Variants in RTN4 observed in about 807,000 individuals in gnomAD.
RTN4 encodes the protein reticulon 4.
In RTN4, 32 loss-of-function variants were observed where a neutral mutation model predicts 90.4. That is an observed-to-expected ratio of 0.35 (90% CI 0.27 to 0.48). The LOEUF is 0.48. RTN4 is among the 20% of genes least tolerant of loss of function. The pLI is 0.99. For missense variants in RTN4, 1,706 were observed against 1,430.2 expected (o/e 1.19, Z -3.11); for synonymous variants, 629 against 552.5 (o/e 1.14, Z -1.94).
chr2:55,132,201 ATG>A, the RTN4 span, among the ~76,000 whole-genome samples: 50 of 152,288 alleles, frequency 3.3e-4, no homozygotes, highest in Non-Finnish European at 5.9e-4. Flanking sequence ...CTCCACTTTT[ATG>A]TGTGTTTGAA....
At position 55,026,260 on chromosome 2, in the gene RTN4, G is replaced by T; in HGVS notation, c.1839C>A (p.Asp613Glu). 1 of 1,613,894 alleles carries T rather than the reference G, an allele frequency of 6.2e-7. No homozygotes were observed. The highest frequency in any genetic ancestry group is 1.1e-5 in the South Asian group (1 of 91,074). The change falls in exon 3 of 9, where the codon GAC becomes GAA. Residue 613 changes from aspartate to glutamate, a missense_variant. Asp to Glu is a conservative substitution (Grantham distance 45). Transcript: ENST00000337526. ...AATTCAATGGTGCTTCCATAACAAT[G>T]TCAGGCAAAACTGGTGAAGGAGTAG... ...SEATPSPVLP[D>E]IVMEAPLNSA...
intron 5 of RTN4, among the ~76,000 whole-genome samples, chr2:54,979,504 T>C (rs1237890882): frequency 6.6e-6 from 1 of 152,238 alleles, no homozygotes; most frequent in East Asian, 1.9e-4. Context: ...AGCTTCCTTT[T>C]TTCAATAAAA....
chr2:55,108,813 A>T (rs1667988349), intron 1 of RTN4, among the ~76,000 whole-genome samples: 1 of 152,114 alleles, frequency 6.6e-6, no homozygotes, highest in African/African-American at 2.4e-5. Context: ...TCATAGGCCA[A>T]TTTCTATGAC....
chr2:55,095,972 T>C (rs1669025153), intron 1 of RTN4, among the ~76,000 whole-genome samples: 1 of 152,122 alleles, frequency 6.6e-6, no homozygotes, highest in Non-Finnish European at 1.5e-5. Flanking sequence ...AATGGGACAG[T>C]GGTTATGGGT....
Position 55,026,796 on chromosome 2 carries a change from C to T in RTN4, c.1303G>A (p.Glu435Lys), listed in dbSNP as rs765495887. 9.9e-6 allele frequency: 16 copies of T among 1,613,836 alleles called. No homozygotes were observed. The highest frequency in any genetic ancestry group is 1.2e-5 in the Non-Finnish European group (14 of 1,179,830). Residue 435 changes from glutamate to lysine, a missense_variant, in exon 3 of 9, where the codon GAA (glutamate) becomes AAA (lysine). Glu to Lys is a moderately conservative substitution (Grantham distance 56). Transcript: ENST00000337526. ...TCATTACTACTCTCACTATCTTTTT[C>T]GTGATTAGTTTGCTCAAGGCTATCT... ...FADSLEQTNH[E>K]KDSESSNDDT...
At chr2:55,088,004 T>C (rs1023320635) in intron 1 of RTN4, among the ~76,000 whole-genome samples, 1 of 152,266 alleles carries the variant, frequency 6.6e-6, no homozygotes, top group Non-Finnish European at 1.5e-5. Flanking sequence ...GCTGTGGTTG[T>C]GGAACCTTAG....
chr2:54,988,365 A>G (rs1678741707), intron 3 of RTN4, among the ~76,000 whole-genome samples: 2 of 152,204 alleles, frequency 1.3e-5, no homozygotes. Context: ...CATGCTATAT[A>G]TTCAAATAAT....
intron 3 of RTN4, chr2:55,010,219 C>A (rs201484463): frequency 6.3e-7 from 1 of 1,589,220 alleles, no homozygotes; most frequent in South Asian, 1.1e-5. Flanking sequence ...ATGAAATACC[C>A]GTTTCCTCAA....
intron 1 of RTN4, 46 bp downstream of exon 1, chr2:55,049,699 G>T: frequency 7.0e-7 from 1 of 1,430,812 alleles, no homozygotes; most frequent in East Asian, 2.8e-5. Flanking sequence ...CACAAAAGAG[G>T]GAGGGGCGCG....
rs549486949 is a variant in RTN4, at chr2:54,994,333, A to G, written c.3014-6635T>C. On this transcript the variant is annotated intron_variant, in intron 3 of 8. Coordinates refer to ENST00000337526, the MANE Select transcript of RTN4 (RefSeq NM_020532.5). ...AATATAGATGCAATAATCCCCAACAAAATACAAGCAAACTGGATCGAGCAA... is the reference window on the plus strand; with the variant it reads ...AATATAGATGCAATAATCCCCAACAGAATACAAGCAAACTGGATCGAGCAA... Among the ~76,000 whole-genome samples the G allele has an allele frequency of 5.9e-5, 9 of 152,346 alleles. No individual in the cohort carries two copies. In the South Asian group the frequency reaches 1.9e-3, roughly 32 times the overall value.
rs1263556095 is a variant in RTN4, at chr2:55,026,279, G to C, written c.1820C>G (p.Pro607Arg). Reference protein sequence around the residue: ...CPSFEESEATPSPVLPDIVME... With the variant: ...CPSFEESEATRSPVLPDIVME... ...AACAATGTCAGGCAAAACTGGTGAA[G>C]GAGTAGCTTCTGACTCTTCAAATGA... Residue 607 changes from proline (P) to arginine (R), a missense_variant, in exon 3 of 9, where the codon CCT (proline) becomes CGT (arginine). Physicochemically the swap from Pro to Arg is moderately radical, Grantham distance 103. Transcript: ENST00000337526. 6.2e-7 allele frequency: 1 copy of C among 1,613,828 alleles called. No homozygotes were observed. The highest frequency in any genetic ancestry group is 8.5e-7 in the Non-Finnish European group (1 of 1,179,922).
chr2:54,991,287 T>G lies in RTN4; in HGVS notation c.3014-3589A>C, dbSNP rs1487043219. On this transcript the variant is annotated intron_variant, in intron 3 of 8. Coordinates refer to ENST00000337526, the MANE Select transcript of RTN4 (RefSeq NM_020532.5). ...GACTTTAGATTTGAGAGGTTTGCACTGTACAACATAAATTAATGTCTAATC... is the reference window on the plus strand; with the variant it reads ...GACTTTAGATTTGAGAGGTTTGCACGGTACAACATAAATTAATGTCTAATC... Among the ~76,000 whole-genome samples, 3 of 152,348 alleles carry G rather than the reference T, an allele frequency of 2.0e-5. No individual in the cohort carries two copies. In the East Asian group the frequency reaches 5.8e-4, roughly 29 times the overall value.
At chr2:55,090,051 A>G (rs1390825627) in intron 1 of RTN4, among the ~76,000 whole-genome samples, 1 of 152,218 alleles carries the variant, frequency 6.6e-6, no homozygotes, top group African/African-American at 2.4e-5. Flanking sequence ...GGAGAGATTT[A>G]TTTAATGAAA....
At chr2:55,085,885 C>A (rs139032344) in intron 1 of RTN4, among the ~76,000 whole-genome samples, 1 of 152,270 alleles carries the variant, frequency 6.6e-6, no homozygotes, top group African/African-American at 2.4e-5. Context: ...TTAATGTTTA[C>A]AAAATATGTT....
intron 6 of RTN4, 112 bp from the exon 7 acceptor site, chr2:54,973,979 G>A: frequency 1.1e-6 from 1 of 884,800 alleles, no homozygotes. Context: ...TGTTCCTAAT[G>A]AATGAATAAA....
At chr2:55,062,400 A>T (rs1340915370) in intron 2 of RTN4, among the ~76,000 whole-genome samples, 1 of 152,148 alleles carries the variant, frequency 6.6e-6, no homozygotes, top group African/African-American at 2.4e-5. Flanking sequence ...AGTTGTAAAC[A>T]TTCACCCCTA....
At chr2:55,014,304 C>A (rs557569955) in intron 3 of RTN4, 1 of 152,078 alleles carries the variant, frequency 6.6e-6, no homozygotes, top group Non-Finnish European at 1.5e-5. Flanking sequence ...TACTAAAATT[C>A]ATAAACTGAA....
chr2:55,108,042 G>C (rs1458538086), intron 1 of RTN4, among the ~76,000 whole-genome samples: 1 of 151,684 alleles, frequency 6.6e-6, no homozygotes, highest in Non-Finnish European at 1.5e-5. Context: ...TGCAACCTCT[G>C]CCTCCTGGGT....
intron 1 of RTN4, among the ~76,000 whole-genome samples, chr2:55,100,273 A>C (rs933238422): frequency 2.0e-5 from 3 of 152,110 alleles, no homozygotes; most frequent in Non-Finnish European, 4.4e-5. Context: ...GGCTTGGACA[A>C]GCCACATTCG....
Sources: gnomAD v4.1 joint callset for allele counts (sites outside exome capture counted in the v4.1 genomes callset) on GRCh38, gnomAD v4.1.1 for gene constraint, MANE v1.5 for transcripts, NCBI Gene and HGNC (gene_info 2026-07-23, HGNC 2026-07-21) for gene names.